The following EXOC6 variants were observed in gnomAD, a reference collection of about 807,000 sequenced individuals.
EXOC6 encodes the protein exocyst complex component 6.
A neutral mutation model predicts 112.5 loss-of-function variants in EXOC6; 60 were observed. That is an observed-to-expected ratio of 0.53 (90% CI 0.43 to 0.66). EXOC6 has a LOEUF of 0.66. Ranked by LOEUF, EXOC6 falls within the 30% of genes least tolerant of loss-of-function variation. The pLI, the probability that EXOC6 is intolerant of heterozygous loss-of-function variation, is 0.00. For missense variants in EXOC6, 855 were observed against 957.1 expected (o/e 0.89, Z 1.41); for synonymous variants, 295 against 308.0 (o/e 0.96, Z 0.44).
At chr10:92,971,787 C>T (rs1414288699) in intron 17 of EXOC6, among the ~76,000 whole-genome samples, 1 of 152,198 alleles carries the variant, frequency 6.6e-6, no homozygotes, top group Non-Finnish European at 1.5e-5. Context: ...ATAAGTTCAA[C>T]ATCTGAGCTG....
intron 20 of EXOC6, among the ~76,000 whole-genome samples, chr10:93,027,773 TTCA>T (rs1845093114): frequency 1.3e-5 from 2 of 152,234 alleles, no homozygotes; most frequent in South Asian, 4.1e-4. Context: ...AACAATGGAC[TTCA>T]TCACTCAAGA....
intron 19 of EXOC6, 144 bp from the exon 20 acceptor site, chr10:93,014,050 T>A: frequency 1.6e-6 from 1 of 638,476 alleles, no homozygotes; most frequent in Middle Eastern, 4.2e-4. Flanking sequence ...TAGTGGAAAT[T>A]GAAGTTTATA....
intron 17 of EXOC6, among the ~76,000 whole-genome samples, chr10:92,958,389 C>T (rs1267401634): frequency 6.6e-6 from 1 of 152,222 alleles, no homozygotes; most frequent in African/African-American, 2.4e-5. Flanking sequence ...CTTTTCCAGC[C>T]TGCTACTCTG....
intron 15 of EXOC6, among the ~76,000 whole-genome samples, chr10:92,952,901 G>T (rs1234030875): frequency 1.3e-5 from 2 of 152,120 alleles, no homozygotes; most frequent in Non-Finnish European, 2.9e-5. Flanking sequence ...GAGGCCAGGG[G>T]TGCTGCCATA....
chr10:92,874,727 A>G (rs1848610334), intron 1 of EXOC6, among the ~76,000 whole-genome samples: 1 of 152,344 alleles, frequency 6.6e-6, no homozygotes, highest in Non-Finnish European at 1.5e-5. Flanking sequence ...ATCTTAGGGC[A>G]GCCAAACTTT....
chr10:93,012,693 T>G (rs1844304767), intron 19 of EXOC6, among the ~76,000 whole-genome samples: 1 of 152,230 alleles, frequency 6.6e-6, no homozygotes, highest in African/African-American at 2.4e-5. Flanking sequence ...CTATATAGGC[T>G]GAAATTTTAA....
intron 18 of EXOC6, among the ~76,000 whole-genome samples, chr10:92,975,657 G>T (rs1319596993): frequency 2.3e-5 from 3 of 128,896 alleles, no homozygotes; most frequent in Non-Finnish European, 5.1e-5. Flanking sequence ...CCGTCCGGGA[G>T]GTGAGGGGCG....
At chr10:92,954,075 G>A (rs150938651) in intron 15 of EXOC6, among the ~76,000 whole-genome samples, 5 of 152,254 alleles carry the variant, frequency 3.3e-5, no homozygotes, top group Admixed American at 3.3e-4. Context: ...GAGTCCAGGA[G>A]TTTGAGACCA....
chr10:92,932,149 T>C (rs1406408207), intron 9 of EXOC6, among the ~76,000 whole-genome samples: 4 of 152,280 alleles, frequency 2.6e-5, no homozygotes, highest in Non-Finnish European at 5.9e-5. Context: ...TGCAGTGATA[T>C]GGATGAATCT....
chr10:92,944,823 A>G (rs1321715523), intron 13 of EXOC6, among the ~76,000 whole-genome samples: 2 of 148,546 alleles, frequency 1.3e-5, no homozygotes, highest in African/African-American at 5.0e-5. Flanking sequence ...CTCAGGCTGG[A>G]GTGCAATGGT....
chr10:93,016,550 G>A (rs1186374942), intron 20 of EXOC6, among the ~76,000 whole-genome samples: 2 of 152,016 alleles, frequency 1.3e-5, no homozygotes, highest in East Asian at 1.9e-4. Context: ...TGGATATTCC[G>A]GAAAGGGCCC....
intron 20 of EXOC6, among the ~76,000 whole-genome samples, chr10:93,034,740 C>T (rs1225534580): frequency 6.6e-6 from 1 of 152,196 alleles, no homozygotes; most frequent in African/African-American, 2.4e-5. Flanking sequence ...GAAGAAGGCA[C>T]TTTTAAATAA....
intron 5 of EXOC6, among the ~76,000 whole-genome samples, chr10:92,903,173 ATAAT>A (rs1289141810): frequency 6.6e-6 from 1 of 152,070 alleles, no homozygotes; most frequent in Non-Finnish European, 1.5e-5. Flanking sequence ...AATTTAAAAA[ATAAT>A]TATTTTAGTA....
chr10:92,983,597 C>T (rs532684088), intron 18 of EXOC6, among the ~76,000 whole-genome samples: 7 of 151,332 alleles, frequency 4.6e-5, no homozygotes, highest in African/African-American at 1.2e-4. Flanking sequence ...CTCCTCCTTC[C>T]GGGTTCAAGT....
intron 12 of EXOC6, 64 bp downstream of exon 12, chr10:92,935,949 A>G (rs1006829667): frequency 2.0e-6 from 2 of 1,008,970 alleles, no homozygotes; most frequent in Non-Finnish European, 3.0e-6. Flanking sequence ...AATATAGGCT[A>G]TACTCATTTA....
At chr10:92,863,798 C>T (rs1848028254) in intron 1 of EXOC6, among the ~76,000 whole-genome samples, 1 of 151,108 alleles carries the variant, frequency 6.6e-6, no homozygotes, top group Non-Finnish European at 1.5e-5. Context: ...ACCTGTAATC[C>T]CAGCTACTCG....
At chr10:92,834,659 ATT>A (rs11408607), upstream of EXOC6, 31 of 967,914 alleles carry the variant, frequency 3.2e-5, no homozygotes, top group South Asian at 9.2e-5. Flanking sequence ...GGAAAACGGT[ATT>A]TTTTTTTTTA....
intron 17 of EXOC6, among the ~76,000 whole-genome samples, chr10:92,961,784 A>G (rs569612737): frequency 1.2e-3 from 181 of 151,902 alleles, no homozygotes; most frequent in African/African-American, 4.2e-3. Flanking sequence ...GAAATAGAGT[A>G]GGGAGATAAA....
At chr10:92,839,665 T>C (rs554406229) in intron 1 of EXOC6, among the ~76,000 whole-genome samples, 45 of 152,282 alleles carry the variant, frequency 3.0e-4, no homozygotes, top group African/African-American at 7.2e-4. Context: ...GTGATGCCCC[T>C]TGGGGTCCTG....
Sources: gnomAD v4.1 joint callset for allele counts (sites outside exome capture counted in the v4.1 genomes callset) on GRCh38, gnomAD v4.1.1 for gene constraint, MANE v1.5 for transcripts, NCBI Gene and HGNC (gene_info 2026-07-23, HGNC 2026-07-21) for gene names.